TRPC6: variants seen among roughly 807,000 people sequenced by gnomAD.
The protein encoded by TRPC6 is transient receptor potential cation channel subfamily C member 6.
TRPC6 carries 55 observed loss-of-function variants against 90.7 expected under a neutral mutation model. The observed-to-expected ratio is 0.61, with a 90% CI of 0.49 to 0.76. The LOEUF (loss-of-function observed/expected upper bound fraction) is 0.76. Ranked by LOEUF, TRPC6 falls within the 30% of genes least tolerant of loss-of-function variation. The pLI, the probability that TRPC6 is intolerant of heterozygous loss-of-function variation, is 0.00. For synonymous variants in TRPC6, 393 were observed against 393.0 expected (o/e 1.00, Z 0.00); for missense variants, 989 against 1,122.7 (o/e 0.88, Z 1.70).
chr11:101,547,362 C>T (rs1366505946), intron 1 of TRPC6, among the ~76,000 whole-genome samples: 5 of 152,076 alleles, frequency 3.3e-5, no homozygotes, highest in African/African-American at 1.2e-4. Context: ...TGTAATATTT[C>T]CTTTTTGATA....
chr11:101,500,231 C>G (rs1378257726), intron 2 of TRPC6, among the ~76,000 whole-genome samples: 1 of 118,422 alleles, frequency 8.4e-6, no homozygotes, highest in Non-Finnish European at 1.7e-5. Flanking sequence ...TTTTTTGAGA[C>G]GGAGTCTTGT....
In TRPC6 at chr11:101,524,532, G is replaced by A. The variant is rs1308396761; in HGVS notation, c.171-19734C>T. ...CCAAAGTGTACAGGCATGAGCCACT[G>A]TGCCCGGCCCAGGCCATTTTTATCC... On this transcript the variant is annotated intron_variant, in intron 1 of 12. Transcript: ENST00000344327. 2.6e-5 allele frequency among the ~76,000 whole-genome samples: 4 copies of A among 152,210 alleles called. No homozygotes were observed. The East Asian group carries it at 5.8e-4, about 22-fold the overall frequency.
intron 5 of TRPC6, among the ~76,000 whole-genome samples, chr11:101,478,969 C>G (rs544430644): frequency 7.2e-5 from 11 of 152,256 alleles, no homozygotes; most frequent in African/African-American, 2.6e-4. Flanking sequence ...CTTCAAGATG[C>G]CTTTACTTGC....
At chr11:101,534,783 A>G (rs1364614021) in intron 1 of TRPC6, among the ~76,000 whole-genome samples, 4 of 152,182 alleles carry the variant, frequency 2.6e-5, no homozygotes, top group Non-Finnish European at 4.4e-5. Context: ...CATTTCAGAA[A>G]ATTTTTTAAA....
intron 1 of TRPC6, chr11:101,520,014 C>T (rs1271251067): frequency 6.6e-6 from 1 of 152,102 alleles, no homozygotes; most frequent in Non-Finnish European, 1.5e-5. Context: ...ATCCTGATAC[C>T]TGAGCACACA....
intron 6 of TRPC6, 104 bp downstream of exon 6, chr11:101,476,195 TCA>T: frequency 1.1e-6 from 1 of 936,008 alleles, no homozygotes; most frequent in Non-Finnish European, 1.7e-6. Flanking sequence ...TGTTGGAAAC[TCA>T]CAAACAATTT....
chr11:101,574,662 G>C (rs1480574099), intron 1 of TRPC6, among the ~76,000 whole-genome samples: 2 of 146,384 alleles, frequency 1.4e-5, no homozygotes, highest in Non-Finnish European at 3.0e-5. Flanking sequence ...TTTTCTTACT[G>C]CCCAGGATCA....
intron 2 of TRPC6, among the ~76,000 whole-genome samples, chr11:101,501,130 TACC>T (rs1860112625): frequency 6.7e-6 from 1 of 148,160 alleles, no homozygotes; most frequent in African/African-American, 2.5e-5. Flanking sequence ...CATACATACA[TACC>T]ATGAACAGGG....
chr11:101,462,032 G>A (rs547151002), intron 10 of TRPC6, among the ~76,000 whole-genome samples: 43 of 152,242 alleles, frequency 2.8e-4, no homozygotes, highest in South Asian at 6.2e-4. Context: ...AGTTTTCTGC[G>A]TATGGCTAGC....
At chr11:101,565,024 G>T (rs772571820) in intron 1 of TRPC6, among the ~76,000 whole-genome samples, 1 of 151,914 alleles carries the variant, frequency 6.6e-6, no homozygotes, top group African/African-American at 2.4e-5. Context: ...ACACACAAAA[G>T]AATTAAATTG....
At chr11:101,530,458 G>A (rs1860885817) in intron 1 of TRPC6, among the ~76,000 whole-genome samples, 1 of 152,052 alleles carries the variant, frequency 6.6e-6, no homozygotes, top group Admixed American at 6.6e-5. Flanking sequence ...TCTGAGACAT[G>A]AGGCTGGGCT....
At chr11:101,462,259 T>G (rs1859022442) in intron 10 of TRPC6, among the ~76,000 whole-genome samples, 1 of 152,234 alleles carries the variant, frequency 6.6e-6, no homozygotes, top group Non-Finnish European at 1.5e-5. Context: ...GCCTCCAGCT[T>G]TGTTCTTTTT....
chr11:101,526,230 G>T (rs1017714864), intron 1 of TRPC6, among the ~76,000 whole-genome samples: 1 of 152,178 alleles, frequency 6.6e-6, no homozygotes, highest in East Asian at 1.9e-4. Flanking sequence ...CCCCTCTAAT[G>T]AATGGAACTG....
At position 101,470,813 on chromosome 11, in the gene TRPC6, CCCCCCT is replaced by C. The variant is rs1565206453; in HGVS notation, c.2409+364_2409+369del. Among the ~76,000 whole-genome samples, 320 of 57,718 alleles carry C rather than the reference CCCCCCT, an allele frequency of 5.5e-3. 10 individuals are homozygous for C. Among genetic ancestry groups the C allele is most frequent in the Middle Eastern group, 0.042 (3 of 72 alleles). 37.9% of individuals were successfully genotyped at this position (57,718 alleles called of 152,430 possible). On this transcript the variant is annotated intron_variant, in intron 9 of 12. Coordinates refer to ENST00000344327, the MANE Select transcript of TRPC6 (RefSeq NM_004621.6). ...GAGTTAATCAAGTTGCCCCGCCCCC[CCCCCCT>C]CCCCGAGTCATAACAAGCTGCTGCC...
chr11:101,510,959 C>T lies in TRPC6; in HGVS notation c.171-6161G>A, dbSNP rs138648662. ...AAAAATCCTTACAAATATTTTAAAG[C>T]GCAATTCTATTACAGCAGAAGTTCT... On this transcript the variant is annotated intron_variant, in intron 1 of 12. Coordinates refer to ENST00000344327, the MANE Select transcript of TRPC6 (RefSeq NM_004621.6). 2.0e-3 allele frequency among the ~76,000 whole-genome samples: 307 copies of T among 152,174 alleles called. 2 individuals carry two copies. Among genetic ancestry groups the T allele is most frequent in the Middle Eastern group, 3.4e-3 (1 of 294 alleles).
intron 10 of TRPC6, among the ~76,000 whole-genome samples, chr11:101,468,510 G>A (rs1247920766): frequency 6.6e-6 from 1 of 152,200 alleles, no homozygotes; most frequent in Non-Finnish European, 1.5e-5. Flanking sequence ...TGGTCAATGA[G>A]ATATAACAAC....
At chr11:101,455,910 T>G (rs79622590) in intron 10 of TRPC6, among the ~76,000 whole-genome samples, 6,081 of 152,222 alleles carry the variant, frequency 0.04, 233 homozygotes, top group African/African-American at 0.097. Context: ...TGTGTATAAA[T>G]GAACATAAGC....
At chr11:101,457,731 T>G (rs1168976053) in intron 10 of TRPC6, among the ~76,000 whole-genome samples, 2 of 152,170 alleles carry the variant, frequency 1.3e-5, no homozygotes, top group Non-Finnish European at 2.9e-5. Flanking sequence ...TCTATATCCT[T>G]GGGATCCTCA....
chr11:101,493,963 G>T (rs961683100), intron 2 of TRPC6, among the ~76,000 whole-genome samples: 9 of 152,166 alleles, frequency 5.9e-5, no homozygotes, highest in African/African-American at 2.2e-4. Context: ...TTGCTAAACT[G>T]CAGGTCCAAA....
Sources: gnomAD v4.1 joint callset for allele counts (sites outside exome capture counted in the v4.1 genomes callset) on GRCh38, gnomAD v4.1.1 for gene constraint, MANE v1.5 for transcripts, NCBI Gene and HGNC (gene_info 2026-07-23, HGNC 2026-07-21) for gene names.